Variants in PKD1 observed in about 807,000 individuals in gnomAD.
PKD1 encodes the protein polycystin-1.
In PKD1, 81 loss-of-function variants were observed where a neutral mutation model predicts 361.7. The ratio of observed to expected loss-of-function variants is 0.22; its 90% CI spans 0.19 to 0.27. The LOEUF (loss-of-function observed/expected upper bound fraction) is 0.27. Ranked by LOEUF, PKD1 falls within the 10% of genes least tolerant of loss-of-function variation. The pLI is 1.00. For synonymous variants in PKD1, 3,615 were observed against 2,818.3 expected (o/e 1.28, Z -8.95); for missense variants, 6,399 against 6,118.3 (o/e 1.05, Z -1.53).
At chr16:2,123,455 G>A (rs2092753264) in intron 1 of PKD1, 1 of 456,342 alleles carries the variant, frequency 2.2e-6, no homozygotes, top group African/African-American at 2.0e-5. Flanking sequence ...GGTCCCCGTG[G>A]AGTCCTCACC....
Position 2,097,742 on chromosome 16 carries a change from C to G in PKD1, c.10206G>C (p.Leu3402=). ...FVGQMKSDLF[L]DDSKSLVCWP... ...AGGGAACCCACCTCTTAGAATCATC[C>G]AGAAACAAGTCACTCTTCATCTGTC... Residue 3402 remains leucine, a synonymous_variant, in exon 32 of 46, where the codon CTG becomes CTC. Coordinates refer to ENST00000262304, the MANE Select transcript of PKD1 (RefSeq NM_001009944.3). 3 of 1,611,238 alleles carry G rather than the reference C, an allele frequency of 1.9e-6. No homozygotes were observed. The highest frequency in any genetic ancestry group is 2.5e-6 in the Non-Finnish European group (3 of 1,179,830).
At position 2,108,486 on chromosome 16, in the gene PKD1, G is replaced by T; in HGVS notation, c.6681C>A (p.His2227Gln). The T allele has an allele frequency of 6.2e-7, 1 of 1,610,270 alleles. No homozygotes were observed. The highest frequency in any genetic ancestry group is 8.5e-7 in the Non-Finnish European group (1 of 1,179,646). Residue 2227 changes from histidine to glutamine, a missense_variant, in exon 15 of 46, where the codon CAC becomes CAA. By Grantham distance (24) the His-to-Gln change is conservative. Transcript: ENST00000262304. Reference sequence around the variant, plus strand: ...ATGACACGACAAACACAAAGCAGTAGTGCCCCACAGGCAGCGCCAGCCGCG... The same window carrying T: ...ATGACACGACAAACACAAAGCAGTATTGCCCCACAGGCAGCGCCAGCCGCG... ...VLPRLALPVG[H>Q]YCFVFVVSFG...
In PKD1 at chr16:2,088,869, G is replaced by A. The variant is rs930324355; in HGVS notation, c.*858C>T. ...TGCCTGGGCCATACAGCACACTCGCGCGTGCGCGCGCGCACACACACACAC... is the reference window on the plus strand; with the variant it reads ...TGCCTGGGCCATACAGCACACTCGCACGTGCGCGCGCGCACACACACACAC... On this transcript the variant is annotated 3_prime_UTR_variant, in exon 46 of 46. Transcript: ENST00000262304. 1.8e-5 allele frequency: 9 copies of A among 499,906 alleles called. No individual in the cohort carries two copies. The highest frequency in any genetic ancestry group is 7.1e-5 in the Admixed American group (2 of 28,044). 31.0% of individuals were successfully genotyped at this position (499,906 alleles called of 1,614,324 possible).
rs781197220 is a variant in PKD1, at chr16:2,102,353, A to G, written c.9201+28T>C. 18 of 1,549,958 alleles carry G rather than the reference A, an allele frequency of 1.2e-5. No homozygotes were observed. In the South Asian group the frequency reaches 2.1e-4, roughly 18 times the overall value. On this transcript the variant is annotated intron_variant, in intron 25 of 45. Coordinates refer to ENST00000262304, the MANE Select transcript of PKD1 (RefSeq NM_001009944.3). ...ACCCAGGCCCTCCTCGACTCTGCAGAGGCTCCCAGGAGCACAGGGTCACTC... is the reference window on the plus strand; with the variant it reads ...ACCCAGGCCCTCCTCGACTCTGCAGGGGCTCCCAGGAGCACAGGGTCACTC...
intron 1 of PKD1, among the ~76,000 whole-genome samples, chr16:2,132,480 C>A (rs938628435): frequency 6.8e-6 from 1 of 147,086 alleles, no homozygotes; most frequent in African/African-American, 2.5e-5. Context: ...GAGGCTGAGG[C>A]AGGAGAATCG....
In PKD1 at chr16:2,102,181, C is replaced by A. The variant is rs111458906; in HGVS notation, c.9277G>T (p.Ala3093Ser). 2.6e-6 allele frequency: 4 copies of A among 1,525,330 alleles called. No homozygotes were observed. Among genetic ancestry groups the A allele is most frequent in the Non-Finnish European group, 3.6e-6 (4 of 1,109,394 alleles). 94.5% of individuals were successfully genotyped at this position (1,525,330 alleles called of 1,614,324 possible). A position where few individuals can be genotyped will look rare whatever the true frequency, so the allele number is the denominator to read the frequency against. ...AACTGGTCCAGCTTGTGCAGGATGG[C>A]GGCCATGACCATGTAGGTCACCAGG... ...VCLVTYMVMAAILHKLDQLDA... is the reference protein window; with the variant it reads ...VCLVTYMVMASILHKLDQLDA... Residue 3093 changes from alanine (A) to serine (S), a missense_variant, in exon 26 of 46, where the codon GCC (alanine) becomes TCC (serine). Coordinates refer to ENST00000262304, the MANE Select transcript of PKD1 (RefSeq NM_001009944.3).
chr16:2,104,570 T>G lies in PKD1; in HGVS notation c.8089A>C (p.Ile2697Leu). 1.2e-6 allele frequency: 2 copies of G among 1,601,338 alleles called. No homozygotes were observed. Among genetic ancestry groups the G allele is most frequent in the Non-Finnish European group, 1.7e-6 (2 of 1,176,224 alleles). Residue 2697 changes from isoleucine (I) to leucine (L), a missense_variant, in exon 22 of 46, where the codon ATC becomes CTC. Physicochemically the swap from Ile to Leu is conservative, Grantham distance 5 (BLOSUM62 2). Transcript: ENST00000262304. Reference protein sequence around the residue: ...TLHKLEAMMLILQAETTAGTV... With the variant: ...TLHKLEAMMLLLQAETTAGTV... ...CCCGCGGTGGTCTCTGCCTGCAGGA[T>G]GAGCATCATGGCCTCCAGCTTGTGC...
chr16:2,100,897 CCA>C lies in PKD1; in HGVS notation c.9398-333_9398-332del. 4.5e-6 allele frequency: 2 copies of C among 443,138 alleles called. No individual in the cohort carries two copies. The highest frequency in any genetic ancestry group is 8.4e-6 in the Non-Finnish European group (2 of 237,542). 27.5% of individuals were successfully genotyped at this position (443,138 alleles called of 1,614,324 possible). A position where few individuals can be genotyped will look rare whatever the true frequency, so the allele number is the denominator to read the frequency against. ...GTCATGCCACAACCGGTGACCCGCA[CCA>C]CACACCCGTCCCTCAGTTCATGCAC... On this transcript the variant is annotated intron_variant, in intron 26 of 45. Coordinates refer to ENST00000262304, the MANE Select transcript of PKD1 (RefSeq NM_001009944.3). The surrounding 1 kb of genome is among the most constrained non-coding windows in gnomAD (Gnocchi z 4.4).
chr16:2,092,352 G>C, intron 39 of PKD1, 128 bp downstream of exon 39: 1 of 979,190 alleles, frequency 1.0e-6, no homozygotes, highest in Non-Finnish European at 1.5e-6. Context: ...TACAGAGAAG[G>C]AAACGGCGGT....
intron 34 of PKD1, among the ~76,000 whole-genome samples, chr16:2,096,052 C>T (rs944380970): frequency 6.6e-6 from 1 of 152,184 alleles, no homozygotes; most frequent in African/African-American, 2.4e-5. Flanking sequence ...GGTTGCTTAA[C>T]AATGAGAAGC....
chr16:2,103,571 A>C lies in PKD1; in HGVS notation c.8486T>G (p.Val2829Gly). 6.2e-7 allele frequency: 1 copy of C among 1,610,196 alleles called. No homozygotes were observed. Among genetic ancestry groups the C allele is most frequent in the Non-Finnish European group, 8.5e-7 (1 of 1,179,684 alleles). The change falls in exon 23 of 46, where the codon GTG becomes GGG. Residue 2829 changes from valine (V) to glycine (G), a missense_variant. Val to Gly is a moderately radical substitution (Grantham distance 109, BLOSUM62 -3). Transcript: ENST00000262304. ...LSDVVQLIFL[V>G]DSNPFPFGYI... ...GCCAAAGGGAAAGGGATTGGAGTCC[A>C]CCAGAAAGATGAGCTGCACCACGTC...
intron 1 of PKD1, among the ~76,000 whole-genome samples, chr16:2,124,442 G>A (rs1018436754): frequency 6.6e-6 from 1 of 152,264 alleles, no homozygotes; most frequent in African/African-American, 2.4e-5. Flanking sequence ...GGGCCGGGAA[G>A]TCTTGGGGCT....
Position 2,102,513 on chromosome 16 carries a change from C to T in PKD1, c.9069G>A (p.Met3023Ile). ...GCAGCAGCCCCTCTGTCCGCCACAC[C>T]ATGTCCTCCTCGCTGAAGTACTGGC... is the stretch of plus-strand genomic sequence containing the variant. ...SLCQYFSEED[M>I]VWRTEGLLPL... Residue 3023 changes from methionine to isoleucine, a missense_variant, in exon 25 of 46, where the codon ATG becomes ATA. By Grantham distance (10) the Met-to-Ile change is conservative. Transcript: ENST00000262304. 1.2e-6 allele frequency: 2 copies of T among 1,601,074 alleles called. No individual in the cohort carries two copies. The highest frequency in any genetic ancestry group is 1.3e-5 in the African/African-American group (1 of 74,634).
At chr16:2,104,175 AG>A (rs1392907794) in intron 22 of PKD1, among the ~76,000 whole-genome samples, 2 of 13,206 alleles carry the variant, frequency 1.5e-4, no homozygotes, top group East Asian at 3.9e-3. Flanking sequence ...GAAGAGGAGC[AG>A]GGGGAAAGGG....
chr16:2,113,521 A>T (rs1346843468), intron 11 of PKD1, among the ~76,000 whole-genome samples: 1 of 152,132 alleles, frequency 6.6e-6, no homozygotes. Context: ...TCTGTGCCTC[A>T]GTTTCCCCAT....
rs762784886 is a variant in PKD1, at chr16:2,106,008, G to C, written c.7720C>G (p.Leu2574Val). 1.9e-6 allele frequency: 3 copies of C among 1,605,642 alleles called. No homozygotes were observed. Among genetic ancestry groups the C allele is most frequent in the Non-Finnish European group, 2.5e-6 (3 of 1,179,576 alleles). ...GTTGCGCTGCCGTTGGGCTCTGGGAGGGTGATGGCCAAAGACCTACGAGCA... is the reference window on the plus strand; with the variant it reads ...GTTGCGCTGCCGTTGGGCTCTGGGACGGTGATGGCCAAAGACCTACGAGCA... ...VALNRSLAIT[L>V]PEPNGSATGL... The change falls in exon 20 of 46, where the codon CTC becomes GTC. Residue 2574 changes from leucine to valine, a missense_variant. By Grantham distance (32) the Leu-to-Val change is conservative. Transcript: ENST00000262304. This position sits in a 1 kb window ranked among gnomAD's most constrained non-coding sequence, Gnocchi z 6.5.
rs1323931644 is a variant in PKD1 at position 2,114,304 on chromosome 16, G to C, written c.2719C>G (p.His907Asp). 1 of 1,610,432 alleles carries C rather than the reference G, an allele frequency of 6.2e-7. No individual in the cohort carries two copies. The highest frequency in any genetic ancestry group is 8.5e-7 in the Non-Finnish European group (1 of 1,179,696). The change falls in exon 11 of 46, where the codon CAC (histidine) becomes GAC (aspartate). Residue 907 changes from histidine to aspartate, a missense_variant. Physicochemically the swap from His to Asp is moderately conservative, Grantham distance 81. Transcript: ENST00000262304. Reference protein sequence around the residue: ...VALPWLSEGEHVVDVVVENSA... With the variant: ...VALPWLSEGEDVVDVVVENSA... The stretch of plus-strand genomic sequence containing the variant: ...TTTTCCACCACCACGTCCACCACGT[G>C]CTCCCCCTCACTGAGCCACGGCAGT...
At chr16:2,127,562 C>T (rs2092814731) in intron 1 of PKD1, among the ~76,000 whole-genome samples, 1 of 152,100 alleles carries the variant, frequency 6.6e-6, no homozygotes, top group African/African-American at 2.4e-5. Flanking sequence ...TGCTCTGTGG[C>T]AGGGCAGGTC....
Position 2,089,591 on chromosome 16 carries a change from G to T in PKD1, c.*136C>A. On this transcript the variant is annotated 3_prime_UTR_variant, in exon 46 of 46. Transcript: ENST00000262304. Reference sequence around the variant, plus strand: ...TTTAAAGTGCTGAAGCCCACAGACAGACAGATGCCCCTGCCTGCTCTCTGG... The same window carrying T: ...TTTAAAGTGCTGAAGCCCACAGACATACAGATGCCCCTGCCTGCTCTCTGG... The T allele has an allele frequency of 8.9e-7, 1 of 1,123,186 alleles. No homozygotes were observed. Among genetic ancestry groups the T allele is most frequent in the Non-Finnish European group, 1.3e-6 (1 of 782,754 alleles). 69.6% of individuals were successfully genotyped at this position (1,123,186 alleles called of 1,614,324 possible).
Sources: gnomAD v4.1 joint callset for allele counts (sites outside exome capture counted in the v4.1 genomes callset) on GRCh38, gnomAD v4.1.1 for gene constraint, Gnocchi (gnomAD v3.1) non-coding constraint, MANE v1.5 for transcripts, NCBI Gene and HGNC (gene_info 2026-07-23, HGNC 2026-07-21) for gene names.